The following NRG1 variants were observed in gnomAD, a reference collection of about 807,000 sequenced individuals.
NRG1 encodes the protein pro-neuregulin-1, membrane-bound isoform.
NRG1 carries 18 observed loss-of-function variants against 63.8 expected under a neutral mutation model. That is an observed-to-expected ratio of 0.28 (90% CI 0.19 to 0.42). The LOEUF (loss-of-function observed/expected upper bound fraction) is 0.42, where lower values mean the gene tolerates loss of function less well. NRG1 is among the 10% of genes least tolerant of loss of function. The pLI is 1.00. For missense variants in NRG1, 762 were observed against 814.7 expected, an observed-to-expected ratio of 0.94 and a Z score of 0.79; for synonymous variants, 302 against 301.3, an observed-to-expected ratio of 1.00 and a Z score of -0.02.
At chr8:32,212,325 C>T (rs1161597992) in intron 1 of NRG1, among the ~76,000 whole-genome samples, 1 of 152,050 alleles carries the variant, frequency 6.6e-6, no homozygotes, top group African/African-American at 2.4e-5. Context: ...AAAGTTAGCT[C>T]TTATTAAATT....
intron 1 of NRG1, among the ~76,000 whole-genome samples, chr8:31,912,641 A>C (rs2129617626): frequency 7.0e-6 from 1 of 143,308 alleles, no homozygotes; most frequent in South Asian, 2.2e-4. Flanking sequence ...TATTCAGGAG[A>C]TGTTCTTTGT....
downstream of NRG1, among the ~76,000 whole-genome samples, chr8:32,770,096 G>A (rs903709364): frequency 6.6e-6 from 1 of 152,018 alleles, no homozygotes; most frequent in Non-Finnish European, 1.5e-5. Context: ...AACAGAATTG[G>A]AAAGAAGAAA....
At chr8:32,255,459 T>G (rs907453941) in intron 1 of NRG1, among the ~76,000 whole-genome samples, 9 of 152,220 alleles carry the variant, frequency 5.9e-5, no homozygotes, top group African/African-American at 2.2e-4. Context: ...GAAGCTTAGT[T>G]TGGCTGGATA....
chr8:31,947,944 C>CAAAAAAAAA (rs55953491), intron 1 of NRG1, among the ~76,000 whole-genome samples: 3 of 32,968 alleles, frequency 9.1e-5, no homozygotes, highest in African/African-American at 1.7e-4. Flanking sequence ...GACTCCATCT[C>CAAAAAAAAA]AAAAAAAAAA....
At chr8:32,492,521 A>T (rs1826715978) in intron 1 of NRG1, among the ~76,000 whole-genome samples, 1 of 151,752 alleles carries the variant, frequency 6.6e-6, no homozygotes, top group Admixed American at 6.6e-5. Flanking sequence ...TTAGCTTGTG[A>T]AACACTCCAA....
intron 1 of NRG1, among the ~76,000 whole-genome samples, chr8:32,163,623 T>A (rs1839086259): frequency 6.6e-6 from 1 of 152,184 alleles, no homozygotes. Context: ...TTCAGAAATG[T>A]TATCTTATGT....
intron 1 of NRG1, among the ~76,000 whole-genome samples, chr8:32,263,709 G>A (rs1850626293): frequency 6.6e-6 from 1 of 152,138 alleles, no homozygotes; most frequent in Admixed American, 6.5e-5. Context: ...GTGAAGCTTA[G>A]GAAAAATTTC....
intron 1 of NRG1, among the ~76,000 whole-genome samples, chr8:32,173,775 C>T (rs998731860): frequency 6.6e-6 from 1 of 152,124 alleles, no homozygotes; most frequent in African/African-American, 2.4e-5. Context: ...GGGATCAATT[C>T]AACAAGAAGA....
chr8:32,710,647 A>G (rs1423365489), intron 5 of NRG1, among the ~76,000 whole-genome samples: 1 of 152,200 alleles, frequency 6.6e-6, no homozygotes, highest in East Asian at 1.9e-4. Flanking sequence ...TTAAAAGGAA[A>G]ATGATGTTAA....
At chr8:32,316,244 G>A (rs936835226) in intron 1 of NRG1, among the ~76,000 whole-genome samples, 2 of 152,170 alleles carry the variant, frequency 1.3e-5, no homozygotes, top group Non-Finnish European at 2.9e-5. Context: ...TTGGGAGGCC[G>A]AGGTGGGCAG....
At chr8:31,658,043 A>C (rs66560030) in intron 1 of NRG1, among the ~76,000 whole-genome samples, 37,151 of 152,108 alleles carry the variant, frequency 0.24, 4,691 homozygotes, top group Admixed American at 0.28. Flanking sequence ...GGAGGACTGC[A>C]TACATTTTGA....
Position 31,864,607 on chromosome 8 carries a change from A to T in NRG1, c.37+225176A>T, listed in dbSNP as rs1349531464. On this transcript the variant is annotated intron_variant, in intron 1 of 10. Coordinates refer to the NRG1 transcript ENST00000519301. ...AAGTGCAGGAGCAGAAGAATGAGGG[A>T]CTCAAGAAGAAAGAGGCAGTACAAA... Among the ~76,000 whole-genome samples, 3 of 152,166 alleles carry T rather than the reference A, an allele frequency of 2.0e-5. No homozygotes were observed. The East Asian group carries it at 5.8e-4, about 30-fold the overall frequency.
chr8:32,159,540 CA>C (rs10684266), intron 1 of NRG1, among the ~76,000 whole-genome samples: 7,712 of 73,624 alleles, frequency 0.1, 318 homozygotes, highest in African/African-American at 0.22. Flanking sequence ...GACTCCGTCT[CA>C]AAAAAAAAAA....
chr8:32,696,632 A>G (rs1389649222), intron 5 of NRG1, among the ~76,000 whole-genome samples: 1 of 151,746 alleles, frequency 6.6e-6, no homozygotes, highest in African/African-American at 2.4e-5. Context: ...TTTTTCAAAA[A>G]GGTTAAAATA....
chr8:32,666,681 C>T (rs1210753602), intron 5 of NRG1, among the ~76,000 whole-genome samples: 1 of 152,128 alleles, frequency 6.6e-6, no homozygotes, highest in Non-Finnish European at 1.5e-5. Flanking sequence ...GTTAGGCGTA[C>T]AGTTTGGTAG....
At chr8:32,290,837 ACT>A (rs147546140) in intron 1 of NRG1, among the ~76,000 whole-genome samples, 8,150 of 151,974 alleles carry the variant, frequency 0.054, 259 homozygotes, top group South Asian at 0.07. Context: ...GTCTCTTAAG[ACT>A]CTATCTGGCT....
intron 1 of NRG1, among the ~76,000 whole-genome samples, chr8:32,535,358 T>C (rs1209044300): frequency 2.0e-5 from 3 of 152,238 alleles, no homozygotes; most frequent in Non-Finnish European, 2.9e-5. Context: ...TTATTACTGA[T>C]AGAAAAGTTC....
At chr8:31,920,391 T>C (rs1833802737) in intron 1 of NRG1, among the ~76,000 whole-genome samples, 1 of 152,212 alleles carries the variant, frequency 6.6e-6, no homozygotes, top group Non-Finnish European at 1.5e-5. Flanking sequence ...TACTGGCAGA[T>C]ACTTAGTAGA....
intron 1 of NRG1, among the ~76,000 whole-genome samples, chr8:31,970,302 G>A (rs1161195753): frequency 2.0e-5 from 3 of 151,926 alleles, no homozygotes; most frequent in East Asian, 1.9e-4. Context: ...GGTTCTTTAC[G>A]GCCACATAAA....
Sources: allele counts gnomAD v4.1 joint callset (sites outside exome capture counted in the v4.1 genomes callset), GRCh38; gene constraint gnomAD v4.1.1; transcripts MANE v1.5; gene names NCBI Gene and HGNC (gene_info 2026-07-23, HGNC 2026-07-21).